The following TUBA8 variants were observed in gnomAD, a reference collection of about 807,000 sequenced individuals.
TUBA8 encodes tubulin alpha 8, also known as tubulin alpha-8 chain.
A neutral mutation model predicts 34.7 loss-of-function variants in TUBA8; 29 were observed. The ratio of observed to expected loss-of-function variants is 0.84; its 90% CI spans 0.62 to 1.14. The LOEUF (loss-of-function observed/expected upper bound fraction) is 1.14, where lower values mean the gene tolerates loss of function less well. Ranked by LOEUF, TUBA8 falls within the 50% of genes most tolerant of loss-of-function variation. The pLI is 0.00. For missense variants in TUBA8, 541 were observed against 599.2 expected, an observed-to-expected ratio of 0.90 and a Z score of 1.01; for synonymous variants, 226 against 231.2, an observed-to-expected ratio of 0.98 and a Z score of 0.21.
Position 18,118,424 on chromosome 22 carries a change from C to G in TUBA8, c.4-3055C>G, listed in dbSNP as rs1928042965. 6.6e-6 allele frequency: 1 copy of G among 152,202 alleles called. No individual in the cohort carries two copies. The allele number at this position is 152,202 out of a possible 1,614,324, so 9.4% of individuals were successfully genotyped here. ...CTTCACTCAAATGCTGCCATCAGTACTTGTGAGGCTCAGGTTGTCTCATCT... is the reference window on the plus strand; with the variant it reads ...CTTCACTCAAATGCTGCCATCAGTAGTTGTGAGGCTCAGGTTGTCTCATCT... On this transcript the variant is annotated intron_variant, in intron 1 of 4. Coordinates refer to ENST00000330423, the MANE Select transcript of TUBA8 (RefSeq NM_018943.3). This position sits in a 1 kb window ranked among gnomAD's most constrained non-coding sequence, Gnocchi z 4.0.
chr22:18,127,394 G>GTTTTTTT (rs1302279460), intron 4 of TUBA8: 3 of 147,398 alleles, frequency 2.0e-5, no homozygotes, highest in Non-Finnish European at 1.4e-5. Flanking sequence ...CGTTAGTTTT[G>GTTTTTTT]TTTTTTTTTT....
rs1457747158 is a variant in TUBA8, at chr22:18,111,787, CTA to C, written c.3+921_3+922del. ...GGGGCAGAGTGAGGGCAGAATAAGC[CTA>C]TGTCATGGCCAAGGTCGGGTTCCCT... On this transcript the variant is annotated intron_variant, in intron 1 of 4. Transcript: ENST00000330423. This position sits in a 1 kb window ranked among gnomAD's most constrained non-coding sequence, Gnocchi z 5.1. 1 of 152,400 alleles carries C rather than the reference CTA, an allele frequency of 6.6e-6. No homozygotes were observed. Among genetic ancestry groups the C allele is most frequent in the Admixed American group, 6.5e-5 (1 of 15,276 alleles). 9.4% of individuals were successfully genotyped at this position (152,400 alleles called of 1,614,324 possible).
Position 18,111,071 on chromosome 22 carries a change from A to G in TUBA8, c.3+203A>G. 1 of 730,968 alleles carries G rather than the reference A, an allele frequency of 1.4e-6. No homozygotes were observed. The highest frequency in any genetic ancestry group is 1.8e-5 in the African/African-American group (1 of 56,716). The allele number at this position is 730,968 out of a possible 1,614,324, so 45.3% of individuals were successfully genotyped here. ...TTATCGTATGGGGGAAATAGAGACC[A>G]GGGGCCAGTTGTTCCTTAAAGGGAC... On this transcript the variant is annotated intron_variant, in intron 1 of 4. Transcript: ENST00000330423. This position sits in a 1 kb window ranked among gnomAD's most constrained non-coding sequence, Gnocchi z 5.1.
In TUBA8 at chr22:18,126,280, G is replaced by A; in HGVS notation, c.376-74G>A. ...AAATATGAGGCAGACAGAGTGGGCG[G>A]TCTGGCTTTTTTACTGTGGGGTGTT... On this transcript the variant is annotated intron_variant, in intron 3 of 4. Transcript: ENST00000330423. This position sits in a 1 kb window ranked among gnomAD's most constrained non-coding sequence, Gnocchi z 4.0. The A allele has an allele frequency of 3.5e-6, 5 of 1,438,356 alleles. No homozygotes were observed. Among genetic ancestry groups the A allele is most frequent in the South Asian group, 2.3e-5 (2 of 86,748 alleles). The allele number at this position is 1,438,356 out of a possible 1,614,324, so 89.1% of individuals were successfully genotyped here.
rs1399884533 is a variant in TUBA8 at position 18,124,116 on chromosome 22, C to T, written c.227-40C>T. The T allele has an allele frequency of 1.2e-6, 2 of 1,613,718 alleles. No individual in the cohort carries two copies. Among genetic ancestry groups the T allele is most frequent in the Non-Finnish European group, 1.7e-6 (2 of 1,179,866 alleles). On this transcript the variant is annotated intron_variant, in intron 2 of 4. Transcript: ENST00000330423. The surrounding 1 kb of genome is among the most constrained non-coding windows in gnomAD (Gnocchi z 4.3). Reference sequence around the variant, plus strand: ...AGTGTGGTAGGGAGGGAGGCTTCTCCCCTGGGCAGTAGGACCTAATGGTCT... The same window carrying T: ...AGTGTGGTAGGGAGGGAGGCTTCTCTCCTGGGCAGTAGGACCTAATGGTCT...
chr22:18,126,846 G>A lies in TUBA8; in HGVS notation c.868G>A (p.Glu290Lys), dbSNP rs754515296. ...CTATCACGAACAGCTCTCTGTGGCCGAGATAACCAGCTCCTGCTTTGAGCC... is the reference window on the plus strand; with the variant it reads ...CTATCACGAACAGCTCTCTGTGGCCAAGATAACCAGCTCCTGCTTTGAGCC... Reference protein sequence around the residue: ...KAYHEQLSVAEITSSCFEPNS... With the variant: ...KAYHEQLSVAKITSSCFEPNS... The change falls in exon 4 of 5, where the codon GAG becomes AAG. Residue 290 changes from glutamate (E) to lysine (K), a missense_variant. By Grantham distance (56) the Glu-to-Lys change is moderately conservative (BLOSUM62 1). Coordinates refer to ENST00000330423, the MANE Select transcript of TUBA8 (RefSeq NM_018943.3). This position sits in a 1 kb window ranked among gnomAD's most constrained non-coding sequence, Gnocchi z 4.0. The A allele has an allele frequency of 6.8e-6, 11 of 1,612,240 alleles. No individual in the cohort carries two copies. In the Admixed American group the frequency reaches 1.2e-4, roughly 17 times the overall value.
chr22:18,129,839 T>C (rs1038912489), intron 4 of TUBA8: 1 of 152,218 alleles, frequency 6.6e-6, no homozygotes, highest in Admixed American at 6.5e-5. Flanking sequence ...AATGTCACGG[T>C]TTGCCACATT....
Position 18,124,091 on chromosome 22 carries a change from AG to A in TUBA8, c.227-64del. 1 of 1,599,460 alleles carries A rather than the reference AG, an allele frequency of 6.3e-7. No homozygotes were observed. The highest frequency in any genetic ancestry group is 1.7e-5 in the Admixed American group (1 of 59,852). On this transcript the variant is annotated intron_variant, in intron 2 of 4. Transcript: ENST00000330423. The surrounding 1 kb of genome is among the most constrained non-coding windows in gnomAD (Gnocchi z 4.3). ...GGGAGAACGGAAGGGGTCCTGCGGTAGTGTGGTAGGGAGGGAGGCTTCTCCC... is the reference window on the plus strand; with the variant it reads ...GGGAGAACGGAAGGGGTCCTGCGGTATGTGGTAGGGAGGGAGGCTTCTCCC...
At chr22:18,114,382 A>T (rs1032567620) in intron 1 of TUBA8, 1 of 152,266 alleles carries the variant, frequency 6.6e-6, no homozygotes, top group Admixed American at 6.5e-5. Flanking sequence ...CCCTAACTGC[A>T]GTGCCTATCA....
rs1448283337 is a variant in TUBA8, at chr22:18,130,732, C to T, written c.1057-111C>T. On this transcript the variant is annotated intron_variant, in intron 4 of 4. Transcript: ENST00000330423. ...GCATCCCATAGCCCCACTCCCACGCCCCTGACCATGACTTGAAGCCATGCC... is the reference window on the plus strand; with the variant it reads ...GCATCCCATAGCCCCACTCCCACGCTCCTGACCATGACTTGAAGCCATGCC... The T allele has an allele frequency of 4.1e-6, 6 of 1,456,598 alleles. No homozygotes were observed. The Admixed American group carries it at 5.3e-5, about 13-fold the overall frequency. 90.2% of individuals were successfully genotyped at this position (1,456,598 alleles called of 1,614,324 possible). A position where few individuals can be genotyped will look rare whatever the true frequency, so the allele number is the denominator to read the frequency against.
In TUBA8 at chr22:18,130,869, C is replaced by T. The variant is rs750831008; in HGVS notation, c.1083C>T (p.Thr361=). The change falls in exon 5 of 5, where the codon ACC becomes ACT. Residue 361 remains threonine (T), a synonymous_variant. Coordinates refer to ENST00000330423, the MANE Select transcript of TUBA8 (RefSeq NM_018943.3). The stretch of plus-strand genomic sequence containing the variant: ...TGGGCATCAACTACCAGCCCCCGAC[C>T]GTGGTCCCCGGGGGAGACCTGGCCA... ...FKVGINYQPP[T]VVPGGDLAKV... 9.9e-6 allele frequency: 16 copies of T among 1,613,870 alleles called. No individual in the cohort carries two copies. The East Asian group carries it at 1.3e-4, about 13-fold the overall frequency.
Position 18,118,214 on chromosome 22 carries a change from G to A in TUBA8, c.4-3265G>A, listed in dbSNP as rs1352462118. 2.0e-5 allele frequency: 3 copies of A among 152,254 alleles called. No individual in the cohort carries two copies. The highest frequency in any genetic ancestry group is 2.1e-4 in the South Asian group (1 of 4,824). The allele number at this position is 152,254 out of a possible 1,614,324, so 9.4% of individuals were successfully genotyped here. A position where few individuals can be genotyped will look rare whatever the true frequency, so the allele number is the denominator to read the frequency against. ...TGGCGTTCTTGTCCAAATCAATCAC[G>A]TAATTAGAAGATGGAATAGGGCAAT... On this transcript the variant is annotated intron_variant, in intron 1 of 4. Transcript: ENST00000330423. This position sits in a 1 kb window ranked among gnomAD's most constrained non-coding sequence, Gnocchi z 4.0.
intron 1 of TUBA8, chr22:18,113,600 G>A (rs1375302635): frequency 1.3e-5 from 2 of 152,308 alleles, no homozygotes; most frequent in Non-Finnish European, 2.9e-5. Context: ...CAGTTAGAGG[G>A]TTCTGGGGGC....
Position 18,118,288 on chromosome 22 carries a change from A to G in TUBA8, c.4-3191A>G, listed in dbSNP as rs1333406318. 1.3e-5 allele frequency: 2 copies of G among 152,256 alleles called. No homozygotes were observed. The highest frequency in any genetic ancestry group is 2.9e-5 in the Non-Finnish European group (2 of 68,044). The allele number at this position is 152,256 out of a possible 1,614,324, so 9.4% of individuals were successfully genotyped here. Reference sequence around the variant, plus strand: ...CACATTGCTTAGCAGACATTCTTCAATTAAAGAAAAAAGAGCCTTCTCTAA... The same window carrying G: ...CACATTGCTTAGCAGACATTCTTCAGTTAAAGAAAAAAGAGCCTTCTCTAA... On this transcript the variant is annotated intron_variant, in intron 1 of 4. Transcript: ENST00000330423. The surrounding 1 kb of genome is among the most constrained non-coding windows in gnomAD (Gnocchi z 4.0).
chr22:18,118,626 G>C lies in TUBA8; in HGVS notation c.4-2853G>C, dbSNP rs1026435679. The C allele has an allele frequency of 6.6e-6, 1 of 152,218 alleles. No homozygotes were observed. The highest frequency in any genetic ancestry group is 2.4e-5 in the African/African-American group (1 of 41,436). 9.4% of individuals were successfully genotyped at this position (152,218 alleles called of 1,614,324 possible). On this transcript the variant is annotated intron_variant, in intron 1 of 4. Transcript: ENST00000330423. The surrounding 1 kb of genome is among the most constrained non-coding windows in gnomAD (Gnocchi z 4.0). ...AGGGATCTTCCTTCTCTCTTGATTG[G>C]TGTAGCTACTTTTCACTTTTGAGAG...
chr22:18,124,306 T>C lies in TUBA8; in HGVS notation c.375+2T>C. 6.2e-7 allele frequency: 1 copy of C among 1,612,748 alleles called. No homozygotes were observed. The highest frequency in any genetic ancestry group is 8.5e-7 in the Non-Finnish European group (1 of 1,179,548). ...GTGCTGGACCGCATACGGAAGCTGGTAAGATCAGGAGGGCAGGGGACGGGT... is the reference window on the plus strand; with the variant it reads ...GTGCTGGACCGCATACGGAAGCTGGCAAGATCAGGAGGGCAGGGGACGGGT... On this transcript the variant is annotated splice_donor_variant, in intron 3 of 4. Transcript: ENST00000330423. LOFTEE classifies it high-confidence loss of function. The surrounding 1 kb of genome is among the most constrained non-coding windows in gnomAD (Gnocchi z 4.3).
chr22:18,120,524 G>A (rs1462397995), intron 1 of TUBA8: 5 of 152,206 alleles, frequency 3.3e-5, no homozygotes, highest in African/African-American at 1.2e-4. Flanking sequence ...TCTGTATCCA[G>A]TCTACCATTG....
In TUBA8 at chr22:18,124,536, T is replaced by C. The variant is rs546005790; in HGVS notation, c.375+232T>C. 3.8e-6 allele frequency: 2 copies of C among 520,294 alleles called. No individual in the cohort carries two copies. Among genetic ancestry groups the C allele is most frequent in the Non-Finnish European group, 6.8e-6 (2 of 294,460 alleles). The allele number at this position is 520,294 out of a possible 1,614,324, so 32.2% of individuals were successfully genotyped here. The stretch of plus-strand genomic sequence containing the variant: ...CAGGCTGAGGCCCTACTCATACTCA[T>C]TGATACTCTCTGTTAGTATCTGGGG... On this transcript the variant is annotated intron_variant, in intron 3 of 4. Coordinates refer to ENST00000330423, the MANE Select transcript of TUBA8 (RefSeq NM_018943.3). The surrounding 1 kb of genome is among the most constrained non-coding windows in gnomAD (Gnocchi z 4.3).
intron 4 of TUBA8, 198 bp downstream of exon 4, chr22:18,127,232 T>G: frequency 1.7e-6 from 1 of 596,036 alleles, no homozygotes. Flanking sequence ...TAGGCCATTT[T>G]AGAAAAGTTT....
Sources: gnomAD v4.1 joint callset for allele counts on GRCh38, gnomAD v4.1.1 for gene constraint, Gnocchi (gnomAD v3.1) non-coding constraint, MANE v1.5 for transcripts, NCBI Gene and HGNC (gene_info 2026-07-23, HGNC 2026-07-21) for gene names.